Variants in TOP1 observed in about 807,000 individuals in gnomAD.
The protein encoded by TOP1 is DNA topoisomerase 1.
A neutral mutation model predicts 111.1 loss-of-function variants in TOP1; 10 were observed. That is an observed-to-expected ratio of 0.09 (90% confidence interval 0.06 to 0.15). The LOEUF (loss-of-function observed/expected upper bound fraction) is 0.15, where lower values mean the gene tolerates loss of function less well. TOP1 is among the 10% of genes least tolerant of loss of function. The pLI is 1.00. For missense variants in TOP1, 474 were observed against 926.7 expected, an observed-to-expected ratio of 0.51 and a Z score of 6.34; for synonymous variants, 271 against 302.9, an observed-to-expected ratio of 0.89 and a Z score of 1.10.
chr20:41,036,506 C>T (rs1242526579), intron 2 of TOP1, among the ~76,000 whole-genome samples: 1 of 152,234 alleles, frequency 6.6e-6, no homozygotes, highest in Non-Finnish European at 1.5e-5. Flanking sequence ...GAAGGTGCCT[C>T]TCTGTCCTCA....
chr20:41,060,963 T>C (rs1451601459), intron 2 of TOP1, among the ~76,000 whole-genome samples: 1 of 152,256 alleles, frequency 6.6e-6, no homozygotes, highest in Non-Finnish European at 1.5e-5. Context: ...GATTGTATTT[T>C]ATTGTTTAGA....
chr20:41,057,188 C>A (rs2145924700), intron 2 of TOP1, among the ~76,000 whole-genome samples: 1 of 152,086 alleles, frequency 6.6e-6, no homozygotes, highest in East Asian at 1.9e-4. Flanking sequence ...ATTGCTTGAA[C>A]CCGGGAGGCT....
rs1196310881 is a variant in TOP1, at chr20:41,080,859, T to C, written c.432-306T>C. Reference sequence around the variant, plus strand: ...TCATCTTTTATTTTTATTTATTTTATTTTATTTTTTTTCCCAGACTTTCAT... The same window carrying C: ...TCATCTTTTATTTTTATTTATTTTACTTTATTTTTTTTCCCAGACTTTCAT... On this transcript the variant is annotated intron_variant, in intron 6 of 20. Transcript: ENST00000361337. This position sits in a 1 kb window ranked among gnomAD's most constrained non-coding sequence, Gnocchi z 5.0. 3.3e-5 allele frequency among the ~76,000 whole-genome samples: 5 copies of C among 152,154 alleles called. 1 individual carries two copies. The South Asian group carries it at 1.0e-3, about 31-fold the overall frequency.
chr20:41,042,937 C>A (rs1311036732), intron 2 of TOP1, among the ~76,000 whole-genome samples: 1 of 152,184 alleles, frequency 6.6e-6, no homozygotes, highest in African/African-American at 2.4e-5. Context: ...AGCCTTCATC[C>A]TCATTGTCTT....
At chr20:41,081,060 T>G in intron 6 of TOP1, 105 bp from the exon 7 acceptor site, 1 of 942,554 alleles carries the variant, frequency 1.1e-6, no homozygotes, top group Non-Finnish European at 1.6e-6. Context: ...AGAATAACAG[T>G]GATTACTCTT....
chr20:41,077,522 AAG>A, intron 4 of TOP1, 58 bp from the exon 5 acceptor site: 1 of 1,372,236 alleles, frequency 7.3e-7, no homozygotes, highest in Non-Finnish European at 1.0e-6. Context: ...TATTCTCAAA[AAG>A]AGGTTTCTTC....
At chr20:41,060,595 G>C (rs1376147596) in intron 2 of TOP1, among the ~76,000 whole-genome samples, 10 of 152,152 alleles carry the variant, frequency 6.6e-5, no homozygotes. Context: ...GATTGCACCT[G>C]TGGGTGTCTT....
At chr20:41,077,663 TC>T in intron 5 of TOP1, 26 bp downstream of exon 5, 1 of 1,610,142 alleles carries the variant, frequency 6.2e-7, no homozygotes, top group Non-Finnish European at 8.5e-7. Flanking sequence ...TGCGTGGGCT[TC>T]CCTTTCTCTG....
intron 17 of TOP1, among the ~76,000 whole-genome samples, chr20:41,117,380 A>ATTTTTTTTTTTTTTTTTTTTTTTTTTT (rs1192075214): frequency 1.2e-5 from 1 of 85,530 alleles, no homozygotes; most frequent in Non-Finnish European, 2.1e-5. Flanking sequence ...CTGTGGCTTA[A>ATTTTTTTTTTTTTTTTTTTTTTTTTTT]TTTTTTTTTT....
At position 41,097,090 on chromosome 20, in the gene TOP1, C is replaced by T. The variant is rs2033992302; in HGVS notation, c.731-130C>T. ...TATGTTGTCTTTGTTGTTGTTGCTA[C>T]TATGTGTCACCAGACCTTTATATAC... On this transcript the variant is annotated intron_variant, in intron 9 of 20. Coordinates refer to ENST00000361337, the MANE Select transcript of TOP1 (RefSeq NM_003286.4). The surrounding 1 kb of genome is among the most constrained non-coding windows in gnomAD (Gnocchi z 4.2). The T allele has an allele frequency of 1.8e-5, 16 of 872,200 alleles. No homozygotes were observed. In the South Asian group the frequency reaches 2.4e-4, roughly 13 times the overall value. 54.0% of individuals were successfully genotyped at this position (872,200 alleles called of 1,614,324 possible). A position where few individuals can be genotyped will look rare whatever the true frequency, so the allele number is the denominator to read the frequency against.
chr20:41,074,915 C>A (rs1367156586), intron 3 of TOP1, among the ~76,000 whole-genome samples: 2 of 152,150 alleles, frequency 1.3e-5, no homozygotes, highest in Admixed American at 6.5e-5. Context: ...TTGCTTATTG[C>A]TTCTTTAGTC....
chr20:41,117,337 AAAT>A (rs2034346657), intron 17 of TOP1, among the ~76,000 whole-genome samples: 1 of 151,744 alleles, frequency 6.6e-6, no homozygotes, highest in Non-Finnish European at 1.5e-5. Context: ...GCTATCTCTA[AAAT>A]AATAATAATA....
chr20:41,045,501 A>G (rs2033322866), intron 2 of TOP1, among the ~76,000 whole-genome samples: 1 of 152,200 alleles, frequency 6.6e-6, no homozygotes, highest in Non-Finnish European at 1.5e-5. Flanking sequence ...TGAAAATTTC[A>G]GGTCCTTTGG....
rs1456789265 is a variant in TOP1 at position 41,116,367 on chromosome 20, G to A, written c.1797G>A (p.Gln599=). 6.2e-7 allele frequency: 1 copy of A among 1,613,980 alleles called. No homozygotes were observed. Among genetic ancestry groups the A allele is most frequent in the East Asian group, 2.2e-5 (1 of 44,878 alleles). ...FRTYNASITL[Q]QQLKELTAPD... is the part of the protein sequence containing the mutation. ...CATACAATGCCTCCATCACGCTACA[G>A]CAGCAGCTAAAAGAACTGACAGCCC... Residue 599 remains glutamine, a synonymous_variant, in exon 17 of 21, where the codon CAG becomes CAA. Transcript: ENST00000361337. This position sits in a 1 kb window ranked among gnomAD's most constrained non-coding sequence, Gnocchi z 5.6.
In TOP1 at chr20:41,121,579, T is replaced by G; in HGVS notation, c.1951-117T>G. 1.3e-6 allele frequency: 1 copy of G among 786,832 alleles called. No homozygotes were observed. Among genetic ancestry groups the G allele is most frequent in the Middle Eastern group, 3.7e-4 (1 of 2,696 alleles). 48.7% of individuals were successfully genotyped at this position (786,832 alleles called of 1,614,324 possible). ...TCATGAAGCCACCCTTGTTTTTTTT[T>G]ATCTGACAAACCACTGACAGAGACA... On this transcript the variant is annotated intron_variant, in intron 18 of 20. Coordinates refer to ENST00000361337, the MANE Select transcript of TOP1 (RefSeq NM_003286.4). The surrounding 1 kb of genome is among the most constrained non-coding windows in gnomAD (Gnocchi z 4.2).
At chr20:41,084,026 G>A (rs1019599334) in intron 7 of TOP1, among the ~76,000 whole-genome samples, 6 of 152,038 alleles carry the variant, frequency 3.9e-5, no homozygotes, top group Non-Finnish European at 7.4e-5. Context: ...AATCAACTGG[G>A]AATTTTCTTT....
rs1051337756 is a variant in TOP1, at chr20:41,029,337, G to A, written c.34-94G>A. ...ACCCCCGGGTCCCCGTCCTCCCCGG[G>A]GGCGCAGGGTGAGCCAGACCCCGGC... On this transcript the variant is annotated intron_variant, in intron 1 of 20. Transcript: ENST00000361337. The surrounding 1 kb of genome is among the most constrained non-coding windows in gnomAD (Gnocchi z 6.1). 7.5e-6 allele frequency: 9 copies of A among 1,193,886 alleles called. No homozygotes were observed. In the African/African-American group the frequency reaches 1.4e-4, roughly 19 times the overall value. The allele number at this position is 1,193,886 out of a possible 1,614,324, so 74.0% of individuals were successfully genotyped here.
chr20:41,099,392 C>A (rs1015184272), intron 11 of TOP1, among the ~76,000 whole-genome samples: 3 of 152,160 alleles, frequency 2.0e-5, no homozygotes, highest in Non-Finnish European at 4.4e-5. Context: ...TTATAAACAT[C>A]CCCTTGTCAG....
Position 41,098,464 on chromosome 20 carries a change from A to T in TOP1, c.975+127A>T. The stretch of plus-strand genomic sequence containing the variant: ...TCACATCATTCTATGCTAAAGACTT[A>T]GAGTTCTCAAAGTCTAAATTTTCTT... On this transcript the variant is annotated intron_variant, in intron 11 of 20. Transcript: ENST00000361337. This position sits in a 1 kb window ranked among gnomAD's most constrained non-coding sequence, Gnocchi z 5.7. 9.1e-7 allele frequency: 1 copy of T among 1,096,228 alleles called. No homozygotes were observed. The highest frequency in any genetic ancestry group is 1.3e-6 in the Non-Finnish European group (1 of 775,556). 67.9% of individuals were successfully genotyped at this position (1,096,228 alleles called of 1,614,324 possible).
Sources: gnomAD v4.1 joint callset for allele counts (sites outside exome capture counted in the v4.1 genomes callset) on GRCh38, gnomAD v4.1.1 for gene constraint, Gnocchi (gnomAD v3.1) non-coding constraint, MANE v1.5 for transcripts, NCBI Gene and HGNC (gene_info 2026-07-23, HGNC 2026-07-21) for gene names.